Variants in NUP153 observed in about 807,000 individuals in gnomAD.
NUP153 encodes nuclear pore complex protein Nup153.
Under a neutral mutation model 134.6 loss-of-function variants are expected in NUP153, and 27 were observed. That is an observed-to-expected ratio of 0.20 (90% CI 0.15 to 0.28). The LOEUF (loss-of-function observed/expected upper bound fraction) is 0.28, where lower values mean the gene tolerates loss of function less well. NUP153 is among the 10% of genes least tolerant of loss of function. The probability of loss-of-function intolerance (pLI) is 1.00; values close to 1 mark genes in which losing one functional copy is unlikely to be tolerated. For missense variants in NUP153, 1,821 were observed against 1,731.3 expected, an observed-to-expected ratio of 1.05 and a Z score of -0.92; for synonymous variants, 640 against 623.5, an observed-to-expected ratio of 1.03 and a Z score of -0.40.
intron 5 of NUP153, among the ~76,000 whole-genome samples, chr6:17,674,382 T>A (rs187027648): frequency 2.4e-4 from 37 of 152,222 alleles, no homozygotes; most frequent in African/African-American, 8.9e-4. Context: ...ATCTAATACA[T>A]AAAACACTCA....
In NUP153 at chr6:17,639,976, C is replaced by T; in HGVS notation, c.1809G>A (p.Leu603=). 1 of 1,612,816 alleles carries T rather than the reference C, an allele frequency of 6.2e-7. No homozygotes were observed. The highest frequency in any genetic ancestry group is 2.2e-5 in the East Asian group (1 of 44,772). The change falls in exon 15 of 22, where the codon CTG becomes CTA. Residue 603 remains leucine, a synonymous_variant. Coordinates refer to ENST00000262077, the MANE Select transcript of NUP153 (RefSeq NM_005124.4). The part of the protein sequence containing the change: ...CEGPFRPAEI[L]KEGSVLDILK... ...GAATATCTAGAACACTTCCTTCTTT[C>T]AGGATTTCTGCAGGTCTAAAAGGAC...
rs921212029 is a variant in NUP153 at position 17,627,942 on chromosome 6, A to G, written c.3544+713T>C. Reference sequence around the variant, plus strand: ...AAAATTTTCTTCTGTCACTTCTTTGATATTTCCCCAAAACTTCTTATCTTC... The same window carrying G: ...AAAATTTTCTTCTGTCACTTCTTTGGTATTTCCCCAAAACTTCTTATCTTC... On this transcript the variant is annotated intron_variant, in intron 18 of 21. Coordinates refer to ENST00000262077, the MANE Select transcript of NUP153 (RefSeq NM_005124.4). 3.9e-5 allele frequency among the ~76,000 whole-genome samples: 6 copies of G among 152,116 alleles called. No homozygotes were observed. In the East Asian group the frequency reaches 9.6e-4, roughly 24 times the overall value.
intron 1 of NUP153, among the ~76,000 whole-genome samples, chr6:17,691,943 G>A (rs569017310): frequency 3.3e-5 from 5 of 152,256 alleles, no homozygotes; most frequent in African/African-American, 1.2e-4. Flanking sequence ...CAGGACTACA[G>A]GCCGACTACC....
At chr6:17,619,517 G>A (rs2113759752) in intron 20 of NUP153, 1 of 152,332 alleles carries the variant, frequency 6.6e-6, no homozygotes, top group African/African-American at 2.4e-5. Flanking sequence ...AAGACCCTGT[G>A]AGAAAAGTTC....
chr6:17,653,862 GA>G (rs776593798), intron 11 of NUP153, among the ~76,000 whole-genome samples: 1 of 152,150 alleles, frequency 6.6e-6, no homozygotes, highest in Non-Finnish European at 1.5e-5. Flanking sequence ...GCACACCTAA[GA>G]ATTTAACATT....
rs1768535193 is a variant in NUP153, at chr6:17,680,852, T to C, written c.335-5082A>G. 6.6e-6 allele frequency among the ~76,000 whole-genome samples: 1 copy of C among 152,254 alleles called. No individual in the cohort carries two copies. On this transcript the variant is annotated intron_variant, in intron 2 of 21. Coordinates refer to ENST00000262077, the MANE Select transcript of NUP153 (RefSeq NM_005124.4). This position sits in a 1 kb window ranked among gnomAD's most constrained non-coding sequence, Gnocchi z 4.5. ...GAATTATCAATTAGTACAGCCATCA[T>C]GGAGAACATCATTGAGGTTTCTCAC...
chr6:17,640,316 C>A (rs1216561281), intron 14 of NUP153, among the ~76,000 whole-genome samples: 1 of 152,104 alleles, frequency 6.6e-6, no homozygotes, highest in African/African-American at 2.4e-5. Context: ...TAATTATCGT[C>A]CAATTAACTG....
chr6:17,650,649 T>C (rs540411228), intron 11 of NUP153, among the ~76,000 whole-genome samples: 2 of 139,440 alleles, frequency 1.4e-5, no homozygotes, highest in South Asian at 2.2e-4. Flanking sequence ...AAGAATCTAC[T>C]TCTATAAAAC....
At chr6:17,697,947 T>A (rs1380875438) in intron 1 of NUP153, among the ~76,000 whole-genome samples, 1 of 152,228 alleles carries the variant, frequency 6.6e-6, no homozygotes, top group Non-Finnish European at 1.5e-5. Context: ...ATATCCTTCC[T>A]TCCTTCTATA....
chr6:17,618,260 T>C (rs1404891400), intron 20 of NUP153, among the ~76,000 whole-genome samples: 1 of 152,182 alleles, frequency 6.6e-6, no homozygotes, highest in Admixed American at 6.5e-5. Context: ...TAGAAAGGAT[T>C]TAAGTGGTAT....
intron 11 of NUP153, among the ~76,000 whole-genome samples, chr6:17,655,040 C>A (rs79278031): frequency 0.055 from 8,360 of 152,238 alleles, 343 homozygotes; most frequent in Non-Finnish European, 0.081. Flanking sequence ...CAAGAGCAAG[C>A]AATTAAGTCT....
At chr6:17,660,316 T>C (rs1294475575) in intron 11 of NUP153, among the ~76,000 whole-genome samples, 1 of 152,176 alleles carries the variant, frequency 6.6e-6, no homozygotes, top group Non-Finnish European at 1.5e-5. Context: ...GGTGAAATTT[T>C]AATTAGAAAC....
intron 21 of NUP153, 96 bp from the exon 22 acceptor site, chr6:17,616,277 T>TGTG: frequency 3.2e-6 from 1 of 313,342 alleles, no homozygotes; most frequent in South Asian, 4.4e-5. Flanking sequence ...GTAAGGGGGG[T>TGTG]CGGGTGGGGG....
At chr6:17,654,328 T>C (rs1174228367) in intron 11 of NUP153, among the ~76,000 whole-genome samples, 1 of 152,060 alleles carries the variant, frequency 6.6e-6, no homozygotes, top group Non-Finnish European at 1.5e-5. Flanking sequence ...GAACCAATTT[T>C]TTTTTTTTTT....
Position 17,662,052 on chromosome 6 carries a change from T to C in NUP153, c.1234A>G (p.Met412Val), listed in dbSNP as rs1316239117. 1.9e-6 allele frequency: 3 copies of C among 1,612,588 alleles called. No homozygotes were observed. The highest frequency in any genetic ancestry group is 1.3e-5 in the African/African-American group (1 of 74,892). The change falls in exon 10 of 22, where the codon ATG (methionine) becomes GTG (valine). Residue 412 changes from methionine to valine, a missense_variant. Met to Val is a conservative substitution (Grantham distance 21). Coordinates refer to ENST00000262077, the MANE Select transcript of NUP153 (RefSeq NM_005124.4). ...NKCSTGYEKN[M>V]TPGQNREQRE... ...TGTTCTCTATTTTGTCCGGGTGTCA[T>C]ATTTTTTTCATATCCAGTCTGCAGG...
intron 11 of NUP153, among the ~76,000 whole-genome samples, chr6:17,656,191 C>A (rs1298859292): frequency 6.6e-6 from 1 of 152,160 alleles, no homozygotes; most frequent in African/African-American, 2.4e-5. Flanking sequence ...GGAGACAGAG[C>A]AAGACTCTGA....
At chr6:17,639,532 C>T (rs558393612) in intron 15 of NUP153, among the ~76,000 whole-genome samples, 5 of 152,284 alleles carry the variant, frequency 3.3e-5, no homozygotes, top group African/African-American at 1.2e-4. Context: ...GTACTGCTCC[C>T]TATGTATATG....
chr6:17,670,393 T>C (rs1247476704), intron 5 of NUP153, among the ~76,000 whole-genome samples: 1 of 152,224 alleles, frequency 6.6e-6, no homozygotes, highest in African/African-American at 2.4e-5. Flanking sequence ...TTGTATCCTG[T>C]GACCCTGTTA....
intron 1 of NUP153, among the ~76,000 whole-genome samples, chr6:17,700,302 C>T (rs1769969411): frequency 6.6e-6 from 1 of 152,162 alleles, no homozygotes. Context: ...AGGTCCTGTT[C>T]TAAAATCTTC....
Sources: gnomAD v4.1 joint callset for allele counts (sites outside exome capture counted in the v4.1 genomes callset) on GRCh38, gnomAD v4.1.1 for gene constraint, Gnocchi (gnomAD v3.1) non-coding constraint, MANE v1.5 for transcripts, NCBI Gene and HGNC (gene_info 2026-07-23, HGNC 2026-07-21) for gene names.